TAFA2: variants seen among roughly 807,000 people sequenced by gnomAD.
TAFA2 encodes the protein chemokine-like protein TAFA-2.
A neutral mutation model predicts 18.8 loss-of-function variants in TAFA2; 7 were observed. That is an observed-to-expected ratio of 0.37 (90% CI 0.21 to 0.70). TAFA2 has a LOEUF of 0.70. Among genes scored for constraint, TAFA2 ranks in the 30% least tolerant of loss-of-function variants. The pLI is 0.53. For synonymous variants in TAFA2, 60 were observed against 54.2 expected, an observed-to-expected ratio of 1.11 and a Z score of -0.47; for missense variants, 122 against 158.1, an observed-to-expected ratio of 0.77 and a Z score of 1.23.
At chr12:61,880,441 A>G (rs1297691598) in intron 1 of TAFA2, 5 of 539,304 alleles carry the variant, frequency 9.3e-6, no homozygotes, top group South Asian at 2.8e-5. Flanking sequence ...AGCTGCGTGT[A>G]TACCAGGAGC....
chr12:62,010,815 G>A (rs1333968143), intron 1 of TAFA2, among the ~76,000 whole-genome samples: 2 of 149,344 alleles, frequency 1.3e-5, no homozygotes, highest in Non-Finnish European at 3.0e-5. Flanking sequence ...TCTGGGAGGT[G>A]GGGAGCGCCT....
chr12:62,178,051 G>A (rs972811085), intron 1 of TAFA2, among the ~76,000 whole-genome samples: 2 of 152,150 alleles, frequency 1.3e-5, no homozygotes, highest in East Asian at 1.9e-4. Context: ...TGTAATCACA[G>A]CACTTTGGGA....
At chr12:62,114,629 T>C (rs1869881137) in intron 1 of TAFA2, among the ~76,000 whole-genome samples, 1 of 152,232 alleles carries the variant, frequency 6.6e-6, no homozygotes, top group Admixed American at 6.5e-5. Context: ...GGCATATTAA[T>C]TATGTAGTCA....
At chr12:62,117,618 G>T (rs1870015246) in intron 1 of TAFA2, among the ~76,000 whole-genome samples, 1 of 151,788 alleles carries the variant, frequency 6.6e-6, no homozygotes, top group Non-Finnish European at 1.5e-5. Flanking sequence ...TTTTTCTTTA[G>T]AAAATATATA....
chr12:62,153,967 T>TTATGTTATGTTA (rs1325860439), intron 1 of TAFA2, among the ~76,000 whole-genome samples: 3 of 151,884 alleles, frequency 2.0e-5, no homozygotes, highest in Non-Finnish European at 4.4e-5. Flanking sequence ...TTATGTTATG[T>TTATGTTATGTTA]TATGTTATGT....
chr12:62,080,344 T>G (rs1236385856), intron 1 of TAFA2, among the ~76,000 whole-genome samples: 1 of 152,218 alleles, frequency 6.6e-6, no homozygotes, highest in East Asian at 1.9e-4. Flanking sequence ...GTCCCTTTTA[T>G]TCACAGTTCT....
chr12:61,798,252 TTC>T (rs1871268747), intron 2 of TAFA2, among the ~76,000 whole-genome samples: 1 of 152,144 alleles, frequency 6.6e-6, no homozygotes, highest in Non-Finnish European at 1.5e-5. Context: ...ACAAAATCAT[TTC>T]TCTTAACTAT....
chr12:62,009,812 GT>G lies in TAFA2; in HGVS notation c.-1-142387del, dbSNP rs1489200690. ...TCTTAGATATGAACTCCTAGTCCAT[GT>G]TTTCTTCCATGATAATAATTATCCA... On this transcript the variant is annotated intron_variant, in intron 1 of 4. Coordinates refer to ENST00000416284, the MANE Select transcript of TAFA2 (RefSeq NM_178539.5). 3.9e-5 allele frequency among the ~76,000 whole-genome samples: 6 copies of G among 152,240 alleles called. No individual in the cohort carries two copies. The East Asian group carries it at 1.2e-3, about 29-fold the overall frequency.
Position 62,069,356 on chromosome 12 carries a change from C to G in TAFA2, c.-2+121903G>C, listed in dbSNP as rs907601817. On this transcript the variant is annotated intron_variant, in intron 1 of 4. Transcript: ENST00000416284. Reference sequence around the variant, plus strand: ...TGCTCTTACTATGAGTCCAAGGGGACAGGGATGGCATCTAATCCTCTGCCC... The same window carrying G: ...TGCTCTTACTATGAGTCCAAGGGGAGAGGGATGGCATCTAATCCTCTGCCC... Among the ~76,000 whole-genome samples, 19 of 152,248 alleles carry G rather than the reference C, an allele frequency of 1.2e-4. 1 individual carries two copies. Among genetic ancestry groups the G allele is most frequent in the South Asian group, 6.2e-4 (3 of 4,820 alleles).
chr12:61,739,720 T>C (rs1868369025), intron 4 of TAFA2, among the ~76,000 whole-genome samples: 1 of 152,046 alleles, frequency 6.6e-6, no homozygotes, highest in Admixed American at 6.6e-5. Context: ...AACAAGTTGA[T>C]TTCATTTGTG....
intron 2 of TAFA2, among the ~76,000 whole-genome samples, chr12:61,835,757 T>C (rs11174193): frequency 0.023 from 3,490 of 152,098 alleles, 138 homozygotes; most frequent in African/African-American, 0.079. Flanking sequence ...TGTAGATTTC[T>C]AAAGTAAAAT....
At chr12:61,753,562 A>G (rs944142020) in intron 4 of TAFA2, 60 bp downstream of exon 4, 112 of 1,514,072 alleles carry the variant, frequency 7.4e-5, no homozygotes, top group Middle Eastern at 1.8e-4. Flanking sequence ...GTTACTGCAC[A>G]AGCTCCGTTC....
intron 1 of TAFA2, among the ~76,000 whole-genome samples, chr12:62,007,010 C>T (rs1241009993): frequency 6.6e-6 from 1 of 152,068 alleles, no homozygotes; most frequent in East Asian, 1.9e-4. Context: ...TGAATCTTGC[C>T]TGTGAAGCAT....
chr12:61,811,996 T>C (rs1592405289), intron 2 of TAFA2, among the ~76,000 whole-genome samples: 1 of 151,462 alleles, frequency 6.6e-6, no homozygotes, highest in Admixed American at 6.6e-5. Context: ...CCTATCCTCT[T>C]TCCCCTATGT....
At chr12:62,020,644 T>C (rs943217875) in intron 1 of TAFA2, among the ~76,000 whole-genome samples, 5 of 152,218 alleles carry the variant, frequency 3.3e-5, no homozygotes, top group Admixed American at 1.3e-4. Context: ...TTCTATTTCA[T>C]GCTAAGGAGT....
At chr12:62,138,032 T>C (rs1216237702) in intron 1 of TAFA2, among the ~76,000 whole-genome samples, 2 of 152,076 alleles carry the variant, frequency 1.3e-5, no homozygotes, top group Non-Finnish European at 2.9e-5. Context: ...GGAATGCTCT[T>C]CCCCCATATC....
chr12:61,755,135 G>T, intron 2 of TAFA2, 111 bp from the exon 3 acceptor site: 1 of 915,352 alleles, frequency 1.1e-6, no homozygotes, highest in Non-Finnish European at 1.6e-6. Context: ...GGTCCACCAG[G>T]CATGAAACGA....
At chr12:62,175,023 A>G (rs2136944915) in intron 1 of TAFA2, among the ~76,000 whole-genome samples, 1 of 152,296 alleles carries the variant, frequency 6.6e-6, no homozygotes, top group African/African-American at 2.4e-5. Flanking sequence ...TCCACATACA[A>G]CGATTGAATT....
At chr12:62,058,996 C>G (rs1015298677) in intron 1 of TAFA2, among the ~76,000 whole-genome samples, 3 of 151,836 alleles carry the variant, frequency 2.0e-5, no homozygotes, top group African/African-American at 7.2e-5. Context: ...TCAGCTACTC[C>G]GGAGGCTGAG....
Sources: gnomAD v4.1 joint callset for allele counts (sites outside exome capture counted in the v4.1 genomes callset) on GRCh38, gnomAD v4.1.1 for gene constraint, MANE v1.5 for transcripts, NCBI Gene and HGNC (gene_info 2026-07-23, HGNC 2026-07-21) for gene names.